The following RBM22 variants were observed in gnomAD, a reference collection of about 807,000 sequenced individuals.
The protein encoded by RBM22 is RNA binding motif protein 22, also known as pre-mRNA-splicing factor RBM22.
In RBM22, 1 loss-of-function variant was observed where a neutral mutation model predicts 50.1. The ratio of observed to expected loss-of-function variants is 0.02; its 90% CI spans 0.01 to 0.09. The LOEUF is 0.09. Ranked by LOEUF, RBM22 falls within the 10% of genes least tolerant of loss-of-function variation. The probability of loss-of-function intolerance (pLI) is 1.00; values close to 1 mark genes in which losing one functional copy is unlikely to be tolerated. For missense variants in RBM22, 264 were observed against 529.3 expected, an observed-to-expected ratio of 0.50 and a Z score of 4.92; for synonymous variants, 152 against 179.0, an observed-to-expected ratio of 0.85 and a Z score of 1.20.
At chr5:150,700,554 G>A (rs942117481) in intron 1 of RBM22, 57 bp from the exon 2 acceptor site, 124 of 1,612,454 alleles carry the variant, frequency 7.7e-5, no homozygotes, top group Non-Finnish European at 1.0e-4. Context: ...TGACACCTCA[G>A]TGACACTTGG....
chr5:150,693,590 T>C (rs1759237610), intron 8 of RBM22, among the ~76,000 whole-genome samples: 1 of 152,236 alleles, frequency 6.6e-6, no homozygotes, highest in Admixed American at 6.5e-5. Context: ...CAAAGGCAGA[T>C]GCTGCTATTA....
rs776198265 is a variant in RBM22, at chr5:150,693,148, G to A, written c.1000+71C>T. On this transcript the variant is annotated intron_variant, in intron 9 of 10. Coordinates refer to ENST00000199814, the MANE Select transcript of RBM22 (RefSeq NM_018047.3). ...AGAGCGGCAACATGAACCAGACCTG[G>A]GTCCCATCTTCCAAAATAGGAACAT... 123 of 1,553,554 alleles carry A rather than the reference G, an allele frequency of 7.9e-5. 1 individual carries two copies. The highest frequency in any genetic ancestry group is 1.2e-4 in the Admixed American group (7 of 56,044).
intron 9 of RBM22, 31 bp from the exon 10 acceptor site, chr5:150,693,057 G>A (rs747120578): frequency 6.3e-6 from 10 of 1,589,158 alleles, no homozygotes; most frequent in Non-Finnish European, 8.6e-6. Flanking sequence ...AACACATAGA[G>A]GGGAGAACAA....
Position 150,691,594 on chromosome 5 carries a change from T to G in RBM22, c.*157A>C. 1 of 872,078 alleles carries G rather than the reference T, an allele frequency of 1.1e-6. No homozygotes were observed. Among genetic ancestry groups the G allele is most frequent in the Non-Finnish European group, 1.6e-6 (1 of 620,778 alleles). 54.0% of individuals were successfully genotyped at this position (872,078 alleles called of 1,614,324 possible). A position where few individuals can be genotyped will look rare whatever the true frequency, so the allele number is the denominator to read the frequency against. ...ACGGTCCATCGATCCTTTGAACAAG[T>G]ATAGGAAAGCATGGCTGTCAGTCTC... On this transcript the variant is annotated 3_prime_UTR_variant, in exon 11 of 11. Transcript: ENST00000199814.
At chr5:150,694,395 T>C in intron 7 of RBM22, 155 bp from the exon 8 acceptor site, 1 of 1,220,338 alleles carries the variant, frequency 8.2e-7, no homozygotes, top group Non-Finnish European at 1.1e-6. Flanking sequence ...CCATATCTTG[T>C]CCTACTGTGG....
chr5:150,693,421 C>T, intron 8 of RBM22, 114 bp from the exon 9 acceptor site: 3 of 773,904 alleles, frequency 3.9e-6, no homozygotes, highest in South Asian at 1.7e-5. Flanking sequence ...CCTCAGCACA[C>T]ACTCTTTTCC....
intron 2 of RBM22, 128 bp downstream of exon 2, chr5:150,700,316 T>C (rs1759329425): frequency 1.2e-6 from 1 of 869,046 alleles, no homozygotes; most frequent in African/African-American, 1.7e-5. Context: ...TCTTTGCAAG[T>C]CGTCCAGCAC....
At position 150,695,262 on chromosome 5, in the gene RBM22, CAA is replaced by C. The variant is rs1759260894; in HGVS notation, c.746+242_746+243del. 7.3e-5 allele frequency: 35 copies of C among 479,148 alleles called. 1 individual carries two copies. In the South Asian group the frequency reaches 9.1e-4, roughly 12 times the overall value. 29.7% of individuals were successfully genotyped at this position (479,148 alleles called of 1,614,324 possible). On this transcript the variant is annotated intron_variant, in intron 7 of 10. Coordinates refer to ENST00000199814, the MANE Select transcript of RBM22 (RefSeq NM_018047.3). ...CAGGCTGGTCTCAAACTCCTCGGTT[CAA>C]GAGATCCTCCCAAAGTGTTGAGATT...
Position 150,696,213 on chromosome 5 carries a change from G to A in RBM22, c.545+320C>T, listed in dbSNP as rs933550577. ...AAACATACACACCCTTTAGAAGTCTGACCTTACTTTGACTTCAACTATACA... is the reference window on the plus strand; with the variant it reads ...AAACATACACACCCTTTAGAAGTCTAACCTTACTTTGACTTCAACTATACA... On this transcript the variant is annotated intron_variant, in intron 6 of 10. Coordinates refer to ENST00000199814, the MANE Select transcript of RBM22 (RefSeq NM_018047.3). This position sits in a 1 kb window ranked among gnomAD's most constrained non-coding sequence, Gnocchi z 4.3. 3.9e-5 allele frequency among the ~76,000 whole-genome samples: 6 copies of A among 151,944 alleles called. No homozygotes were observed.
intron 2 of RBM22, 111 bp from the exon 3 acceptor site, chr5:150,699,382 C>A (rs1231175752): frequency 2.1e-5 from 29 of 1,388,858 alleles, no homozygotes; most frequent in Non-Finnish European, 2.7e-5. Context: ...TCCCTGGCAT[C>A]CTAGAGAGAG....
In RBM22 at chr5:150,701,022, T is replaced by G; in HGVS notation, c.-37A>C. On this transcript the variant is annotated 5_prime_UTR_variant, in exon 1 of 11. Coordinates refer to ENST00000199814, the MANE Select transcript of RBM22 (RefSeq NM_018047.3). ...CCGGAGGTAGCTGTAGCTTCCGAAT[T>G]GGGAGAGAGGACCGCCACAATCCCG... The G allele has an allele frequency of 3.1e-6, 5 of 1,611,382 alleles. No homozygotes were observed. The highest frequency in any genetic ancestry group is 2.5e-6 in the Non-Finnish European group (3 of 1,178,042).
intron 3 of RBM22, 134 bp downstream of exon 3, chr5:150,699,104 AATAT>A: frequency 8.3e-7 from 1 of 1,211,348 alleles, no homozygotes; most frequent in Non-Finnish European, 1.1e-6. Context: ...CCAGCCAATG[AATAT>A]ATCAGTAATA....
chr5:150,697,991 G>A lies in RBM22; in HGVS notation c.271+508C>T, dbSNP rs536865033. ...GCAAAATAGTGACACACACACACAC[G>A]TGCACTGGGTGTGGTGGTATACCAG... is the stretch of plus-strand genomic sequence containing the variant. On this transcript the variant is annotated intron_variant, in intron 4 of 10. Transcript: ENST00000199814. 7.2e-5 allele frequency among the ~76,000 whole-genome samples: 11 copies of A among 152,188 alleles called. No homozygotes were observed. In the South Asian group the frequency reaches 1.5e-3, roughly 20 times the overall value.
At chr5:150,698,337 G>A (rs879479785) in intron 4 of RBM22, among the ~76,000 whole-genome samples, 162 bp downstream of exon 4, 1 of 152,112 alleles carries the variant, frequency 6.6e-6, no homozygotes, top group Non-Finnish European at 1.5e-5. Flanking sequence ...CAGGACTCTA[G>A]AGTGGCCTAA....
At chr5:150,692,310 AC>A (rs1759218847) in intron 10 of RBM22, among the ~76,000 whole-genome samples, 1 of 152,188 alleles carries the variant, frequency 6.6e-6, no homozygotes. Flanking sequence ...AGAACTGGCT[AC>A]CTGTGATTTC....
chr5:150,699,076 C>T (rs1759312064), intron 3 of RBM22, among the ~76,000 whole-genome samples, 166 bp downstream of exon 3: 1 of 152,080 alleles, frequency 6.6e-6, no homozygotes, highest in African/African-American at 2.4e-5. Flanking sequence ...ATTTTCTTAC[C>T]TCCCACATAA....
intron 10 of RBM22, 39 bp downstream of exon 10, chr5:150,692,856 C>A (rs1331290843): frequency 2.0e-6 from 3 of 1,535,320 alleles, no homozygotes; most frequent in Non-Finnish European, 1.8e-6. Context: ...AGAACTTTCA[C>A]AAGGATTTCT....
intron 7 of RBM22, among the ~76,000 whole-genome samples, chr5:150,695,088 G>A (rs1485473178): frequency 6.6e-6 from 1 of 152,182 alleles, no homozygotes; most frequent in Non-Finnish European, 1.5e-5. Context: ...GTGCAGTGGT[G>A]CAATCACAGC....
intron 2 of RBM22, 34 bp from the exon 3 acceptor site, chr5:150,699,305 TTAC>T: frequency 6.5e-7 from 1 of 1,542,904 alleles, no homozygotes; most frequent in Non-Finnish European, 8.7e-7. Context: ...AGAACTGGAG[TTAC>T]AGAAAGAAAA....
Sources: allele counts gnomAD v4.1 joint callset (sites outside exome capture counted in the v4.1 genomes callset), GRCh38; gene constraint gnomAD v4.1.1; non-coding constraint Gnocchi (gnomAD v3.1); transcripts MANE v1.5; gene names NCBI Gene and HGNC (gene_info 2026-07-23, HGNC 2026-07-21).